Variants in PARD3B observed in about 807,000 individuals in gnomAD.
PARD3B encodes partitioning defective 3 homolog B.
PARD3B carries 103 observed loss-of-function variants against 130.2 expected under a neutral mutation model. The observed-to-expected ratio is 0.79, with a 90% confidence interval of 0.67 to 0.93. The LOEUF (loss-of-function observed/expected upper bound fraction) is 0.93. PARD3B is among the 40% of genes least tolerant of loss of function. The pLI is 0.00. For synonymous variants in PARD3B, 583 were observed against 553.2 expected, an observed-to-expected ratio of 1.05 and a Z score of -0.76; for missense variants, 1,609 against 1,499.2, an observed-to-expected ratio of 1.07 and a Z score of -1.21.
intron 22 of PARD3B, among the ~76,000 whole-genome samples, chr2:205,612,903 G>A (rs914186119): frequency 2.6e-5 from 4 of 152,178 alleles, no homozygotes; most frequent in African/African-American, 7.2e-5. Flanking sequence ...CTGCCTGGGA[G>A]GAGCAAGGTG....
intron 2 of PARD3B, among the ~76,000 whole-genome samples, chr2:204,865,462 G>C (rs759932265): frequency 6.6e-4 from 100 of 152,276 alleles, no homozygotes; most frequent in Admixed American, 3.4e-3. Flanking sequence ...CTATAAAAAG[G>C]AATGAAATAA....
chr2:205,600,373 A>AG (rs1187738206), intron 22 of PARD3B, among the ~76,000 whole-genome samples: 14 of 152,208 alleles, frequency 9.2e-5, no homozygotes, highest in Non-Finnish European at 2.1e-4. Context: ...TGAGGTGCCT[A>AG]GGGAACCTCC....
intron 1 of PARD3B, among the ~76,000 whole-genome samples, chr2:204,555,304 ATCCTAGCAC>A (rs2125048123): frequency 1.3e-5 from 2 of 152,272 alleles, no homozygotes; most frequent in South Asian, 4.1e-4. Flanking sequence ...CACACCTGTA[ATCCTAGCAC>A]TTTGGGGGCT....
intron 1 of PARD3B, among the ~76,000 whole-genome samples, chr2:204,635,432 A>G (rs1340178007): frequency 5.3e-5 from 8 of 152,190 alleles, no homozygotes; most frequent in African/African-American, 1.9e-4. Context: ...TCCAGACAAA[A>G]TTTAGGATTA....
chr2:204,721,085 G>A (rs141004648), intron 2 of PARD3B, among the ~76,000 whole-genome samples: 32 of 152,238 alleles, frequency 2.1e-4, no homozygotes, highest in African/African-American at 6.5e-4. Context: ...ATCTCACCTC[G>A]CTGCAAAGCA....
intron 1 of PARD3B, among the ~76,000 whole-genome samples, chr2:204,643,751 G>A (rs2035174623): frequency 6.6e-6 from 1 of 151,992 alleles, no homozygotes; most frequent in East Asian, 1.9e-4. Context: ...TCTTATAAAG[G>A]ATACTAGCAA....
At chr2:204,582,239 A>C (rs1215002807) in intron 1 of PARD3B, among the ~76,000 whole-genome samples, 2 of 152,090 alleles carry the variant, frequency 1.3e-5, no homozygotes, top group Non-Finnish European at 2.9e-5. Flanking sequence ...AGTGACTCCA[A>C]AGTTTAATTT....
At position 205,525,223 on chromosome 2, in the gene PARD3B, G is replaced by C. The variant is rs546350329; in HGVS notation, c.3180+25192G>C. 7.9e-5 allele frequency among the ~76,000 whole-genome samples: 12 copies of C among 152,220 alleles called. No individual in the cohort carries two copies. Among genetic ancestry groups the C allele is most frequent in the South Asian group, 2.1e-4 (1 of 4,820 alleles). On this transcript the variant is annotated intron_variant, in intron 21 of 22. Coordinates refer to ENST00000406610, the MANE Select transcript of PARD3B (RefSeq NM_001302769.2). This position sits in a 1 kb window ranked among gnomAD's most constrained non-coding sequence, Gnocchi z 4.2. Reference sequence around the variant, plus strand: ...TCCTAATTTTCCTTTAAATGGTCCTGAAAACAAGAGACATGGTATGTAAAA... The same window carrying C: ...TCCTAATTTTCCTTTAAATGGTCCTCAAAACAAGAGACATGGTATGTAAAA...
intron 21 of PARD3B, among the ~76,000 whole-genome samples, chr2:205,552,720 G>A (rs1043330338): frequency 3.3e-5 from 5 of 152,052 alleles, no homozygotes; most frequent in African/African-American, 9.7e-5. Flanking sequence ...AGCCAGAAAC[G>A]GTGCTTTTAA....
rs137992874 is a variant in PARD3B at position 205,363,330 on chromosome 2, C to T, written c.2631-37683C>T. ...AAGCCAAAGGCCATAGGAGGGTAAGCAGTGGAGAGGAGAGGGGCCTTACCC... is the reference window on the plus strand; with the variant it reads ...AAGCCAAAGGCCATAGGAGGGTAAGTAGTGGAGAGGAGAGGGGCCTTACCC... On this transcript the variant is annotated intron_variant, in intron 18 of 22. Coordinates refer to ENST00000406610, the MANE Select transcript of PARD3B (RefSeq NM_001302769.2). 6.6e-5 allele frequency among the ~76,000 whole-genome samples: 10 copies of T among 152,214 alleles called. 1 individual carries two copies. The East Asian group carries it at 1.9e-3, about 29-fold the overall frequency.
rs146200660 is a variant in PARD3B, at chr2:205,042,929, A to G, written c.395-4652A>G. Among the ~76,000 whole-genome samples, 42 of 151,136 alleles carry G rather than the reference A, an allele frequency of 2.8e-4. No homozygotes were observed. The East Asian group carries it at 8.0e-3, about 29-fold the overall frequency. ...TCTATAAGAATTTATGCTTTAAAATACTGAACAATTCCTATTTTATTTGTG... is the reference window on the plus strand; with the variant it reads ...TCTATAAGAATTTATGCTTTAAAATGCTGAACAATTCCTATTTTATTTGTG... On this transcript the variant is annotated intron_variant, in intron 3 of 22. Coordinates refer to ENST00000406610, the MANE Select transcript of PARD3B (RefSeq NM_001302769.2).
chr2:205,312,527 G>A (rs574586183), intron 18 of PARD3B, among the ~76,000 whole-genome samples: 1 of 152,044 alleles, frequency 6.6e-6, no homozygotes, highest in Non-Finnish European at 1.5e-5. Context: ...GCATGTCGAA[G>A]GCCACCACCC....
At chr2:205,140,691 A>C (rs2032879209) in intron 10 of PARD3B, among the ~76,000 whole-genome samples, 1 of 152,118 alleles carries the variant, frequency 6.6e-6, no homozygotes. Flanking sequence ...ACAAAGTACA[A>C]TGTGTACTGT....
chr2:204,918,832 A>G (rs1031663968), intron 2 of PARD3B, among the ~76,000 whole-genome samples: 4 of 151,142 alleles, frequency 2.6e-5, no homozygotes, highest in Admixed American at 6.6e-5. Flanking sequence ...CCCATGTTCT[A>G]TCTAGTCCCA....
intron 19 of PARD3B, among the ~76,000 whole-genome samples, chr2:205,423,319 C>T (rs567153386): frequency 3.9e-5 from 6 of 152,338 alleles, no homozygotes; most frequent in South Asian, 2.1e-4. Flanking sequence ...GACCCTATCA[C>T]TATCCTTTTG....
chr2:205,194,498 T>C lies in PARD3B; in HGVS notation c.2140+1178T>C, dbSNP rs752799173. ...GACAGTGACATAGGTTATTACTAAT[T>C]ATTTAAAGAGCAGTTCATTTTCATA... On this transcript the variant is annotated intron_variant, in intron 15 of 22. Coordinates refer to ENST00000406610, the MANE Select transcript of PARD3B (RefSeq NM_001302769.2). 7.0e-4 allele frequency among the ~76,000 whole-genome samples: 106 copies of C among 152,332 alleles called. 1 individual carries two copies. The highest frequency in any genetic ancestry group is 6.0e-4 in the Non-Finnish European group (41 of 68,024).
intron 20 of PARD3B, among the ~76,000 whole-genome samples, chr2:205,490,625 C>G (rs113793505): frequency 0.033 from 5,086 of 152,072 alleles, 291 homozygotes; most frequent in African/African-American, 0.12. Flanking sequence ...AGGTATATAC[C>G]CAGTAATGGG....
intron 2 of PARD3B, among the ~76,000 whole-genome samples, chr2:204,937,777 C>T (rs1688581712): frequency 6.6e-6 from 1 of 152,162 alleles, no homozygotes; most frequent in African/African-American, 2.4e-5. Context: ...TCTTCGTTTG[C>T]ATGATACTCT....
intron 15 of PARD3B, among the ~76,000 whole-genome samples, chr2:205,210,384 A>C (rs11890764): frequency 6.6e-6 from 1 of 151,882 alleles, no homozygotes; most frequent in Non-Finnish European, 1.5e-5. Flanking sequence ...TAACCTAAAC[A>C]TTGTTCTCTG....
Sources: gnomAD v4.1 joint callset for allele counts (sites outside exome capture counted in the v4.1 genomes callset) on GRCh38, gnomAD v4.1.1 for gene constraint, Gnocchi (gnomAD v3.1) non-coding constraint, MANE v1.5 for transcripts, NCBI Gene and HGNC (gene_info 2026-07-23, HGNC 2026-07-21) for gene names.